Variants in ZNF492 observed in about 807,000 individuals in gnomAD.
ZNF492 encodes zinc finger protein 492, also known as zinc finger protein 115 (Y20).
Under a neutral mutation model 6.4 loss-of-function variants are expected in ZNF492, and 3 were observed. The ratio of observed to expected loss-of-function variants is 0.47; its 90% confidence interval spans 0.21 to 1.22. ZNF492 has a LOEUF of 1.22. Among genes scored for constraint, ZNF492 ranks in the 50% most tolerant of loss-of-function variants. The pLI, the probability that ZNF492 is intolerant of heterozygous loss-of-function variation, is 0.22. For synonymous variants in ZNF492, 112 were observed against 205.3 expected (o/e 0.55, Z 3.89); for missense variants, 356 against 612.5 (o/e 0.58, Z 4.42).
chr19:22,651,042 G>A (rs1202378791), intron 1 of ZNF492, among the ~76,000 whole-genome samples: 2 of 152,190 alleles, frequency 1.3e-5, no homozygotes, highest in African/African-American at 4.8e-5. Context: ...AGTGGCATGG[G>A]TTCACGAGTG....
chr19:22,640,904 A>T (rs1184512229), intron 1 of ZNF492, among the ~76,000 whole-genome samples: 1 of 152,134 alleles, frequency 6.6e-6, no homozygotes, highest in African/African-American at 2.4e-5. Context: ...GTTTGTGTGC[A>T]TAGAGGTGTT....
intron 3 of ZNF492, among the ~76,000 whole-genome samples, chr19:22,662,289 T>C (rs1033588630): frequency 2.0e-5 from 3 of 152,242 alleles, no homozygotes; most frequent in African/African-American, 7.2e-5. Context: ...ATGCATAGTA[T>C]TCTGTAGTGT....
At chr19:22,663,132 C>G (rs1255327901) in intron 3 of ZNF492, among the ~76,000 whole-genome samples, 2 of 151,980 alleles carry the variant, frequency 1.3e-5, no homozygotes, top group African/African-American at 4.8e-5. Flanking sequence ...GGAAGGGATC[C>G]AGTTTCAGCT....
chr19:22,659,561 TACACACACACACACAC>T lies in ZNF492; in HGVS notation c.131-4223_131-4208del, dbSNP rs569041771. Among the ~76,000 whole-genome samples, 3 of 138,792 alleles carry T rather than the reference TACACACACACACACAC, an allele frequency of 2.2e-5. No homozygotes were observed. The East Asian group carries it at 6.2e-4, about 29-fold the overall frequency. 91.1% of individuals were successfully genotyped at this position (138,792 alleles called of 152,430 possible). On this transcript the variant is annotated intron_variant, in intron 3 of 3. Coordinates refer to ENST00000456783, the MANE Select transcript of ZNF492 (RefSeq NM_020855.3). ...ATATGTTTGGAGCCCTAATGTGAGA[TACACACACACACACAC>T]ACACACACACACACAGAGAGAGAGA... is the stretch of plus-strand genomic sequence containing the variant.
chr19:22,659,402 C>T (rs531153977), intron 3 of ZNF492, among the ~76,000 whole-genome samples: 2 of 151,838 alleles, frequency 1.3e-5, no homozygotes, highest in Admixed American at 6.6e-5. Context: ...AATTGTCTTA[C>T]ACTGCCTGGA....
intron 1 of ZNF492, among the ~76,000 whole-genome samples, chr19:22,651,360 C>T (rs1320871949): frequency 6.6e-6 from 1 of 151,986 alleles, no homozygotes; most frequent in Non-Finnish European, 1.5e-5. Context: ...TTTGCCCTGC[C>T]CCTAAAAAAT....
At chr19:22,655,816 G>GTTTTT (rs987078429) in intron 3 of ZNF492, among the ~76,000 whole-genome samples, 1 of 51,798 alleles carries the variant, frequency 1.9e-5, no homozygotes, top group Non-Finnish European at 3.9e-5. Flanking sequence ...TTTTCTTGTT[G>GTTTTT]TTTTTTTTTT....
intron 3 of ZNF492, among the ~76,000 whole-genome samples, chr19:22,661,335 T>C (rs1292839050): frequency 6.6e-6 from 1 of 152,150 alleles, no homozygotes; most frequent in Non-Finnish European, 1.5e-5. Context: ...GTGTACATCT[T>C]TTTTATGGTT....
chr19:22,659,608 G>A (rs1392846191), intron 3 of ZNF492, among the ~76,000 whole-genome samples: 1 of 137,444 alleles, frequency 7.3e-6, no homozygotes, highest in African/African-American at 3.1e-5. Flanking sequence ...AGAGAGAGAC[G>A]TGTATACAGA....
chr19:22,661,480 T>C (rs542561650), intron 3 of ZNF492, among the ~76,000 whole-genome samples: 28 of 152,334 alleles, frequency 1.8e-4, no homozygotes, highest in Non-Finnish European at 3.5e-4. Context: ...TTTTCTGACA[T>C]AGTCTGAAAA....
chr19:22,655,231 T>TTGGAA (rs1238827427), intron 3 of ZNF492, among the ~76,000 whole-genome samples: 1 of 151,720 alleles, frequency 6.6e-6, no homozygotes, highest in Non-Finnish European at 1.5e-5. Flanking sequence ...TAGGCAGAGG[T>TTGGAA]TGCAGTGAGC....
At chr19:22,635,008 G>T (rs981227502) in intron 1 of ZNF492, among the ~76,000 whole-genome samples, 1 of 152,138 alleles carries the variant, frequency 6.6e-6, no homozygotes, top group African/African-American at 2.4e-5. Flanking sequence ...AGATGCAGAT[G>T]AAAATACCCA....
At chr19:22,662,873 A>G (rs894792406) in intron 3 of ZNF492, among the ~76,000 whole-genome samples, 1 of 151,908 alleles carries the variant, frequency 6.6e-6, no homozygotes, top group Non-Finnish European at 1.5e-5. Flanking sequence ...ATTTTCTCCC[A>G]TTCTGTAGGT....
intron 3 of ZNF492, among the ~76,000 whole-genome samples, chr19:22,660,039 T>C (rs2915935): frequency 1.3e-5 from 2 of 152,128 alleles, no homozygotes; most frequent in African/African-American, 2.4e-5. Flanking sequence ...TAAAATATGA[T>C]AGTTTTTGAC....
In ZNF492 at chr19:22,648,712, C is replaced by T. The variant is rs77260927; in HGVS notation, c.-93-4595C>T. Among the ~76,000 whole-genome samples, 5 of 152,246 alleles carry T rather than the reference C, an allele frequency of 3.3e-5. No individual in the cohort carries two copies. The South Asian group carries it at 1.0e-3, about 32-fold the overall frequency. On this transcript the variant is annotated intron_variant, in intron 1 of 3. Coordinates refer to ENST00000456783, the MANE Select transcript of ZNF492 (RefSeq NM_020855.3). ...ACCATTAAATAATGCCCTTCTTTGT[C>T]TTTTTTAAATCTTTGTTGGTTTAAA...
intron 1 of ZNF492, among the ~76,000 whole-genome samples, chr19:22,645,747 A>G (rs148668028): frequency 0.081 from 12,335 of 152,206 alleles, 1,625 homozygotes; most frequent in African/African-American, 0.28. Flanking sequence ...ATGGCTAGCC[A>G]GTTTTCTCAG....
chr19:22,644,157 G>A (rs1599395888), intron 1 of ZNF492, among the ~76,000 whole-genome samples: 1 of 112,380 alleles, frequency 8.9e-6, no homozygotes, highest in African/African-American at 3.3e-5. Flanking sequence ...AAGATGCGGT[G>A]TAATTTGTCC....
chr19:22,658,608 T>G (rs1389815473), intron 3 of ZNF492, among the ~76,000 whole-genome samples: 1 of 141,186 alleles, frequency 7.1e-6, no homozygotes, highest in Non-Finnish European at 1.5e-5. Context: ...GGCTGGCTCA[T>G]TTTATTTTGC....
At chr19:22,658,887 A>G (rs1972024709) in intron 3 of ZNF492, among the ~76,000 whole-genome samples, 2 of 143,596 alleles carry the variant, frequency 1.4e-5, no homozygotes. Context: ...CTTTATAGTC[A>G]TACCAAATTG....
Sources: allele counts gnomAD v4.1 joint callset (sites outside exome capture counted in the v4.1 genomes callset), GRCh38; gene constraint gnomAD v4.1.1; transcripts MANE v1.5; gene names NCBI Gene and HGNC (gene_info 2026-07-23, HGNC 2026-07-21).